TG: variants seen among roughly 807,000 people sequenced by gnomAD.
TG encodes thyroglobulin, also known as thyroid hormones.
A neutral mutation model predicts 324.7 loss-of-function variants in TG; 270 were observed. The ratio of observed to expected loss-of-function variants is 0.83; its 90% CI spans 0.75 to 0.92. TG has a LOEUF of 0.92. TG is among the 40% of genes least tolerant of loss of function. The pLI is 0.00. For synonymous variants in TG, 1,401 were observed against 1,327.0 expected (o/e 1.06, Z -1.21); for missense variants, 3,591 against 3,456.4 (o/e 1.04, Z -0.98).
chr8:133,000,191 T>C (rs957072335), intron 35 of TG, among the ~76,000 whole-genome samples: 9 of 152,158 alleles, frequency 5.9e-5, no homozygotes, highest in Non-Finnish European at 8.8e-5. Context: ...TTTGCAGCCA[T>C]TGGATGGCTC....
chr8:133,055,116 C>T (rs950247613), intron 41 of TG, among the ~76,000 whole-genome samples: 1 of 152,140 alleles, frequency 6.6e-6, no homozygotes, highest in Non-Finnish European at 1.5e-5. Flanking sequence ...CTCTCCTTGG[C>T]ACTTAATCTT....
chr8:132,910,487 A>C (rs1214836898), intron 18 of TG, among the ~76,000 whole-genome samples: 7 of 152,108 alleles, frequency 4.6e-5, no homozygotes, highest in Non-Finnish European at 7.4e-5. Context: ...TGTCCCCCCG[A>C]AATTCATATC....
chr8:132,963,040 C>G lies in TG; in HGVS notation c.5514C>G (p.Asp1838Glu). The change falls in exon 29 of 48, where the codon GAC becomes GAG. Residue 1838 changes from aspartate (D) to glutamate (E), a missense_variant. Asp to Glu is a conservative substitution (Grantham distance 45, BLOSUM62 2). Transcript: ENST00000220616. The part of the protein sequence containing the change: ...SRPESMGCRK[D>E]TVPRPASPTE... ...CTGAGTCTATGGGATGTAGAAAAGA[C>G]ACAGTGCCAAGGCCAGCATCTCCAA... 6.2e-7 allele frequency: 1 copy of G among 1,614,004 alleles called. No homozygotes were observed. Among genetic ancestry groups the G allele is most frequent in the South Asian group, 1.1e-5 (1 of 91,084 alleles).
rs1330828075 is a variant in TG, at chr8:133,133,517, C to T, written c.8045C>T (p.Ala2682Val). The T allele has an allele frequency of 1.2e-6, 2 of 1,614,226 alleles. No homozygotes were observed. The highest frequency in any genetic ancestry group is 4.5e-5 in the East Asian group (2 of 44,886). ...YEFSRKVPTF[A>V]TPWPDFVPRA... ...TTCTCACGGAAAGTACCCACATTTG[C>T]AACCCCCTGGCCTGACTTTGTACCC... Residue 2682 changes from alanine (A) to valine (V), a missense_variant, in exon 47 of 48, where the codon GCA becomes GTA. By Grantham distance (64) the Ala-to-Val change is moderately conservative (BLOSUM62 0). Transcript: ENST00000220616.
chr8:133,055,242 A>G (rs1025945701), intron 41 of TG, among the ~76,000 whole-genome samples: 6 of 152,090 alleles, frequency 3.9e-5, no homozygotes, highest in African/African-American at 9.7e-5. Context: ...GGAGCTGTAC[A>G]GCCCAGGGAT....
chr8:133,045,855 G>A (rs1267170208), intron 41 of TG, among the ~76,000 whole-genome samples: 1 of 150,780 alleles, frequency 6.6e-6, no homozygotes, highest in Non-Finnish European at 1.5e-5. Flanking sequence ...CTACTGTTTT[G>A]CTCTTTCAGC....
In TG at chr8:132,940,628, T is replaced by A. The variant is rs140482808; in HGVS notation, c.5042-723T>A. Among the ~76,000 whole-genome samples the A allele has an allele frequency of 3.1e-3, 476 of 152,332 alleles. 4 individuals carry two copies. Among genetic ancestry groups the A allele is most frequent in the African/African-American group, 0.011 (450 of 41,572 alleles). On this transcript the variant is annotated intron_variant, in intron 25 of 47. Coordinates refer to ENST00000220616, the MANE Select transcript of TG (RefSeq NM_003235.5). ...GGGTGTAAGGAAGGGTTGAGGCTGCTGAGTTATGGAGACAAGGGCTGCTTG... is the reference window on the plus strand; with the variant it reads ...GGGTGTAAGGAAGGGTTGAGGCTGCAGAGTTATGGAGACAAGGGCTGCTTG...
At chr8:132,892,346 C>T (rs1290857676) in intron 10 of TG, among the ~76,000 whole-genome samples, 1 of 152,072 alleles carries the variant, frequency 6.6e-6, no homozygotes, top group Non-Finnish European at 1.5e-5. Context: ...GAATCAGCTG[C>T]TTGCTAGCTG....
chr8:133,006,799 A>G (rs1834052656), intron 35 of TG, among the ~76,000 whole-genome samples: 1 of 152,232 alleles, frequency 6.6e-6, no homozygotes, highest in Non-Finnish European at 1.5e-5. Flanking sequence ...AAAATAGGCA[A>G]ATAATTTAAA....
intron 41 of TG, chr8:133,074,758 T>C: frequency 1.4e-6 from 1 of 731,602 alleles, no homozygotes; most frequent in Non-Finnish European, 1.7e-6. Context: ...AGGGAGCTCC[T>C]TTCTGACTCC....
At chr8:132,967,215 C>T (rs1828737775) in intron 30 of TG, among the ~76,000 whole-genome samples, 1 of 121,310 alleles carries the variant, frequency 8.2e-6, no homozygotes, top group African/African-American at 4.2e-5. Flanking sequence ...ACCATCCATC[C>T]ATCCATCCAT....
intron 35 of TG, 75 bp downstream of exon 35, chr8:132,983,487 T>A: frequency 6.9e-7 from 1 of 1,450,286 alleles, no homozygotes. Context: ...TCCCCCTTGC[T>A]TTTGTACAGA....
At chr8:132,897,926 G>A (rs1447372002) in intron 12 of TG, 140 bp downstream of exon 12, 16 of 1,091,052 alleles carry the variant, frequency 1.5e-5, no homozygotes, top group African/African-American at 1.3e-4. Context: ...TTAGCTTCTC[G>A]GGCCTCCAGT....
intron 41 of TG, among the ~76,000 whole-genome samples, chr8:133,056,016 A>G (rs1841387874): frequency 6.6e-6 from 1 of 152,148 alleles, no homozygotes; most frequent in Admixed American, 6.5e-5. Context: ...TGAGGTCCAG[A>G]GACCGCCCAA....
chr8:132,919,006 T>G (rs1010684235), intron 20 of TG, among the ~76,000 whole-genome samples: 4 of 152,200 alleles, frequency 2.6e-5, no homozygotes, highest in African/African-American at 9.7e-5. Context: ...GATTTTAGCT[T>G]TCACCTTTTA....
Position 133,013,026 on chromosome 8 carries a change from G to T in TG, c.6398-574G>T, listed in dbSNP as rs1834658818. Reference sequence around the variant, plus strand: ...GAGGAAGACAGGGCTGAAGATAAAGGCCGGAGTATGGAGAGCCTTGTTTGA... The same window carrying T: ...GAGGAAGACAGGGCTGAAGATAAAGTCCGGAGTATGGAGAGCCTTGTTTGA... On this transcript the variant is annotated intron_variant, in intron 36 of 47. Coordinates refer to ENST00000220616, the MANE Select transcript of TG (RefSeq NM_003235.5). Among the ~76,000 whole-genome samples the T allele has an allele frequency of 2.0e-5, 3 of 152,200 alleles. No individual in the cohort carries two copies. In the South Asian group the frequency reaches 6.2e-4, roughly 32 times the overall value.
At chr8:133,017,690 G>A in intron 37 of TG, 88 bp from the exon 38 acceptor site, 1 of 1,302,432 alleles carries the variant, frequency 7.7e-7, no homozygotes, top group African/African-American at 1.5e-5. Context: ...TTTTTCTTTT[G>A]TTGAAAGCAC....
At position 132,867,985 on chromosome 8, in the gene TG, C is replaced by A. The variant is rs372090633; in HGVS notation, c.68-130C>A. ...CTTGTAAGAAAGTGTGCTTAGCTGC[C>A]AAATTTTAAAATAGGCTGTCATAGG... On this transcript the variant is annotated intron_variant, in intron 1 of 47. Transcript: ENST00000220616. 3.9e-5 allele frequency: 32 copies of A among 817,578 alleles called. No individual in the cohort carries two copies. The African/African-American group carries it at 4.9e-4, about 13-fold the overall frequency. The allele number at this position is 817,578 out of a possible 1,614,324, so 50.6% of individuals were successfully genotyped here. A position where few individuals can be genotyped will look rare whatever the true frequency, so the allele number is the denominator to read the frequency against.
intron 41 of TG, among the ~76,000 whole-genome samples, chr8:133,075,522 G>A (rs1266155937): frequency 3.3e-5 from 5 of 152,234 alleles, no homozygotes; most frequent in Non-Finnish European, 7.3e-5. Context: ...TGATAATACT[G>A]TTCCAGTCTT....
Sources: allele counts gnomAD v4.1 joint callset (sites outside exome capture counted in the v4.1 genomes callset), GRCh38; gene constraint gnomAD v4.1.1; transcripts MANE v1.5; gene names NCBI Gene and HGNC (gene_info 2026-07-23, HGNC 2026-07-21).